The following DLGAP2 variants were observed in gnomAD, a reference collection of about 807,000 sequenced individuals.
DLGAP2 encodes the protein disks large-associated protein 2.
In DLGAP2, 26 loss-of-function variants were observed where a neutral mutation model predicts 100.3. That is an observed-to-expected ratio of 0.26 (90% confidence interval 0.19 to 0.36). The LOEUF is 0.36. DLGAP2 is among the 10% of genes least tolerant of loss of function. The pLI is 1.00. For synonymous variants in DLGAP2, 886 were observed against 630.1 expected, an observed-to-expected ratio of 1.41 and a Z score of -6.08; for missense variants, 1,858 against 1,453.2, an observed-to-expected ratio of 1.28 and a Z score of -4.53.
chr8:770,777 C>T (rs774841124), intron 1 of DLGAP2, among the ~76,000 whole-genome samples: 1 of 152,134 alleles, frequency 6.6e-6, no homozygotes, highest in Non-Finnish European at 1.5e-5. Flanking sequence ...GGGCAGGCAT[C>T]ACACAGTTAT....
At chr8:1,505,157 G>A (rs1799863122) in intron 4 of DLGAP2, among the ~76,000 whole-genome samples, 1 of 152,044 alleles carries the variant, frequency 6.6e-6, no homozygotes, top group African/African-American at 2.4e-5. Flanking sequence ...AAATTGAGAG[G>A]GTTAAATGAT....
At chr8:1,289,628 C>T (rs1042906937) in intron 3 of DLGAP2, among the ~76,000 whole-genome samples, 3 of 152,154 alleles carry the variant, frequency 2.0e-5, no homozygotes, top group Non-Finnish European at 2.9e-5. Context: ...GCCTGGCTAG[C>T]GTTCCTACAT....
At chr8:1,450,775 G>A (rs986114381) in intron 3 of DLGAP2, among the ~76,000 whole-genome samples, 3 of 152,218 alleles carry the variant, frequency 2.0e-5, no homozygotes, top group African/African-American at 4.8e-5. Flanking sequence ...TGCGCTCAAC[G>A]TTCCCAAGCC....
intron 3 of DLGAP2, among the ~76,000 whole-genome samples, chr8:1,391,849 C>A (rs952988611): frequency 3.9e-5 from 6 of 152,260 alleles, no homozygotes; most frequent in African/African-American, 1.4e-4. Context: ...TGCTGCATCT[C>A]CAAGACCCGA....
At chr8:999,227 T>C (rs1380314947) in intron 2 of DLGAP2, among the ~76,000 whole-genome samples, 1 of 151,868 alleles carries the variant, frequency 6.6e-6, no homozygotes, top group Non-Finnish European at 1.5e-5. Context: ...TCGGTGGAGC[T>C]GTTTTGTCTC....
chr8:1,549,031 T>C lies in DLGAP2; in HGVS notation c.578T>C (p.Leu193Pro). The change falls in exon 5 of 15, where the codon CTG (leucine) becomes CCG (proline). Residue 193 changes from leucine to proline, a missense_variant. Coordinates refer to ENST00000637795, the MANE Select transcript of DLGAP2 (RefSeq NM_001346810.2). Reference protein sequence around the residue: ...AKINRIPANLLDQFEKQLPLH... With the variant: ...AKINRIPANLPDQFEKQLPLH... ...ATCAACCGCATCCCGGCCAACCTGC[T>C]GGACCAGTTCGAGAAGCAGCTGCCG... is the stretch of plus-strand genomic sequence containing the variant. 1 of 1,596,024 alleles carries C rather than the reference T, an allele frequency of 6.3e-7. No individual in the cohort carries two copies. The highest frequency in any genetic ancestry group is 1.1e-5 in the South Asian group (1 of 89,760).
intron 3 of DLGAP2, among the ~76,000 whole-genome samples, chr8:1,429,318 G>T (rs1427541905): frequency 6.6e-6 from 1 of 152,104 alleles, no homozygotes; most frequent in African/African-American, 2.4e-5. Flanking sequence ...TGCTTACATA[G>T]GAACTAAAAG....
chr8:839,956 G>C (rs567096580), intron 1 of DLGAP2, among the ~76,000 whole-genome samples: 13 of 119,364 alleles, frequency 1.1e-4, no homozygotes, highest in South Asian at 3.4e-4. Context: ...GCATGTCTCC[G>C]TACACTCTGG....
intron 2 of DLGAP2, among the ~76,000 whole-genome samples, chr8:914,784 G>C (rs747976227): frequency 1.3e-5 from 2 of 152,242 alleles, no homozygotes; most frequent in African/African-American, 2.4e-5. Flanking sequence ...TCTGTGCTGA[G>C]AGGGTTCATG....
intron 2 of DLGAP2, among the ~76,000 whole-genome samples, chr8:1,098,039 T>C (rs1208932411): frequency 6.6e-6 from 1 of 152,272 alleles, no homozygotes; most frequent in Non-Finnish European, 1.5e-5. Flanking sequence ...CTTACTACGT[T>C]GACTGGTTTT....
At chr8:1,386,608 T>A (rs1796226369) in intron 3 of DLGAP2, among the ~76,000 whole-genome samples, 1 of 152,006 alleles carries the variant, frequency 6.6e-6, no homozygotes, top group Admixed American at 6.6e-5. Flanking sequence ...TCCCCTTCGC[T>A]CTCTCAGGAA....
At position 1,389,227 on chromosome 8, in the gene DLGAP2, G is replaced by A. The variant is rs539865697; in HGVS notation, c.107-112139G>A. ...TGGGAAATGCCATAATGGGAGGAGC[G>A]GTACTCTGGAGGAGGAGGATTGGAA... On this transcript the variant is annotated intron_variant, in intron 3 of 14. Transcript: ENST00000637795. 2.7e-5 allele frequency among the ~76,000 whole-genome samples: 4 copies of A among 146,342 alleles called. No homozygotes were observed. In the East Asian group the frequency reaches 5.8e-4, roughly 21 times the overall value.
At chr8:1,227,545 G>A (rs1354086199) in intron 2 of DLGAP2, among the ~76,000 whole-genome samples, 3 of 151,178 alleles carry the variant, frequency 2.0e-5, no homozygotes, top group African/African-American at 7.3e-5. Context: ...CCAGACTGGA[G>A]TGCAGTGGCA....
chr8:984,421 A>G (rs1311928538), intron 2 of DLGAP2, among the ~76,000 whole-genome samples: 1 of 152,118 alleles, frequency 6.6e-6, no homozygotes, highest in African/African-American at 2.4e-5. Flanking sequence ...CCTGCCTCCA[A>G]TCCAGGAGCT....
At chr8:790,114 A>C (rs1393552676) in intron 1 of DLGAP2, among the ~76,000 whole-genome samples, 1 of 152,174 alleles carries the variant, frequency 6.6e-6, no homozygotes, top group South Asian at 2.1e-4. Flanking sequence ...TAAGAATTTG[A>C]GGAGAAAAGG....
chr8:1,060,180 C>G (rs1159243852), intron 2 of DLGAP2, among the ~76,000 whole-genome samples: 1 of 152,184 alleles, frequency 6.6e-6, no homozygotes, highest in Non-Finnish European at 1.5e-5. Flanking sequence ...TTCCCGTGGC[C>G]ACCGTCATGA....
chr8:1,175,207 C>T (rs946797481), intron 2 of DLGAP2, among the ~76,000 whole-genome samples: 60 of 151,916 alleles, frequency 3.9e-4, no homozygotes, highest in African/African-American at 1.3e-3. Flanking sequence ...ACTAGTAACC[C>T]GCAGTGAGCA....
At chr8:1,214,810 A>C (rs1798179293) in intron 2 of DLGAP2, among the ~76,000 whole-genome samples, 1 of 152,246 alleles carries the variant, frequency 6.6e-6, no homozygotes, top group Non-Finnish European at 1.5e-5. Context: ...ATTAGCCTTG[A>C]CTTCCACATA....
chr8:1,149,918 T>C (rs1796669214), intron 2 of DLGAP2, among the ~76,000 whole-genome samples: 1 of 152,236 alleles, frequency 6.6e-6, no homozygotes, highest in African/African-American at 2.4e-5. Flanking sequence ...GCCAAGACCC[T>C]GGAACCTTTT....
Sources: gnomAD v4.1 joint callset for allele counts (sites outside exome capture counted in the v4.1 genomes callset) on GRCh38, gnomAD v4.1.1 for gene constraint, MANE v1.5 for transcripts, NCBI Gene and HGNC (gene_info 2026-07-23, HGNC 2026-07-21) for gene names.